The following MBD5 variants were observed in gnomAD, a reference collection of about 807,000 sequenced individuals.
MBD5 encodes methyl-CpG binding domain protein 5.
Under a neutral mutation model 117.3 loss-of-function variants are expected in MBD5, and 13 were observed. The ratio of observed to expected loss-of-function variants is 0.11; its 90% CI spans 0.07 to 0.18. MBD5 has a LOEUF of 0.18. Among genes scored for constraint, MBD5 ranks in the 10% least tolerant of loss-of-function variants. The pLI is 1.00. For missense variants in MBD5, 1,879 were observed against 2,093.8 expected (o/e 0.90, Z 2.00); for synonymous variants, 727 against 766.4 (o/e 0.95, Z 0.85).
chr2:148,488,618 C>T (rs1471825448), intron 10 of MBD5, among the ~76,000 whole-genome samples: 1 of 133,900 alleles, frequency 7.5e-6, no homozygotes, highest in African/African-American at 2.9e-5. Context: ...TTCAAAGTAT[C>T]AAGGGTCTAG....
At chr2:148,361,125 A>T (rs1369889903) in intron 4 of MBD5, among the ~76,000 whole-genome samples, 1 of 152,184 alleles carries the variant, frequency 6.6e-6, no homozygotes, top group Non-Finnish European at 1.5e-5. Flanking sequence ...AGGCAGCCGG[A>T]TCACAAGGTC....
chr2:148,021,071 C>A (rs1693684916), upstream of MBD5: 1 of 154,214 alleles, frequency 6.5e-6, no homozygotes, highest in Non-Finnish European at 1.4e-5. Context: ...TCTCTTCTAC[C>A]CGAACCCCCC....
chr2:148,395,354 G>A lies in MBD5; in HGVS notation c.-557+53018G>A, dbSNP rs551824298. On this transcript the variant is annotated intron_variant, in intron 4 of 13. Coordinates refer to ENST00000642680, the MANE Select transcript of MBD5 (RefSeq NM_001378120.1). The stretch of plus-strand genomic sequence containing the variant: ...ACTACCCTTTCATCTGAGTTTCTAC[G>A]CTATTCAGTCAATTATTTCCATATT... 8.6e-5 allele frequency among the ~76,000 whole-genome samples: 13 copies of A among 150,934 alleles called. No individual in the cohort carries two copies. In the South Asian group the frequency reaches 2.3e-3, roughly 27 times the overall value.
intron 4 of MBD5, among the ~76,000 whole-genome samples, chr2:148,353,327 A>G (rs1448522915): frequency 1.3e-5 from 2 of 152,160 alleles, no homozygotes; most frequent in Admixed American, 6.6e-5. Context: ...AGATTAAAAC[A>G]TGCGCATGGT....
intron 3 of MBD5, among the ~76,000 whole-genome samples, chr2:148,277,674 T>G (rs1701148166): frequency 6.6e-6 from 1 of 152,140 alleles, no homozygotes; most frequent in Non-Finnish European, 1.5e-5. Context: ...TGCCTCTATT[T>G]GTGCTCGTTT....
intron 8 of MBD5, among the ~76,000 whole-genome samples, chr2:148,481,107 G>A (rs1559093662): frequency 1.3e-5 from 2 of 151,854 alleles, no homozygotes; most frequent in African/African-American, 4.8e-5. Flanking sequence ...TGCCAATTAC[G>A]AAATTTTTTC....
chr2:148,445,713 C>A (rs928725433), intron 4 of MBD5, among the ~76,000 whole-genome samples: 9 of 151,476 alleles, frequency 5.9e-5, no homozygotes, highest in Admixed American at 5.9e-4. Flanking sequence ...AATCGCCACA[C>A]CGACTTCCAC....
intron 3 of MBD5, among the ~76,000 whole-genome samples, chr2:148,271,000 G>A (rs1700973484): frequency 6.6e-6 from 1 of 152,098 alleles, no homozygotes; most frequent in South Asian, 2.1e-4. Context: ...GATCTCAAGA[G>A]AGAAAAGATA....
At chr2:148,027,776 C>A (rs543370776) in intron 1 of MBD5, 1 of 152,042 alleles carries the variant, frequency 6.6e-6, no homozygotes, top group African/African-American at 2.4e-5. Context: ...ACATAATGAC[C>A]TGCAGAGTTT....
intron 4 of MBD5, among the ~76,000 whole-genome samples, chr2:148,440,843 T>A (rs969670965): frequency 2.0e-5 from 3 of 152,158 alleles, no homozygotes; most frequent in Non-Finnish European, 2.9e-5. Flanking sequence ...GGGGAGAAGT[T>A]TTTTTTCTAT....
At chr2:148,027,063 A>G (rs1417631583) in intron 1 of MBD5, 2 of 152,218 alleles carry the variant, frequency 1.3e-5, no homozygotes, top group African/African-American at 2.4e-5. Context: ...GATCCAATGA[A>G]TATTTACTAT....
chr2:148,493,998 A>G (rs747718596), intron 11 of MBD5, among the ~76,000 whole-genome samples: 17 of 152,224 alleles, frequency 1.1e-4, no homozygotes, highest in Non-Finnish European at 2.2e-4. Context: ...AAGTGAGAAT[A>G]TTAATTTCTA....
chr2:148,112,973 A>T (rs1434753506), intron 1 of MBD5, among the ~76,000 whole-genome samples: 1 of 152,200 alleles, frequency 6.6e-6, no homozygotes, highest in Non-Finnish European at 1.5e-5. Context: ...AACTTGGGCA[A>T]CAAAGTAAGA....
At chr2:148,398,638 C>T (rs1160673676) in intron 4 of MBD5, among the ~76,000 whole-genome samples, 4 of 152,128 alleles carry the variant, frequency 2.6e-5, no homozygotes, top group South Asian at 2.1e-4. Flanking sequence ...TTTTGCTGTG[C>T]ACAAGCTCTT....
At chr2:148,377,632 T>C (rs1458205894) in intron 4 of MBD5, among the ~76,000 whole-genome samples, 7 of 152,304 alleles carry the variant, frequency 4.6e-5, no homozygotes, top group African/African-American at 1.7e-4. Flanking sequence ...TCCTCTAAAT[T>C]ATTTTCATCA....
intron 1 of MBD5, among the ~76,000 whole-genome samples, chr2:148,171,152 G>A (rs1395785686): frequency 6.6e-6 from 1 of 152,098 alleles, no homozygotes; most frequent in Non-Finnish European, 1.5e-5. Context: ...GCATTACTCT[G>A]ATACCAAAGC....
intron 1 of MBD5, among the ~76,000 whole-genome samples, chr2:148,109,796 A>G (rs1268581019): frequency 1.3e-5 from 2 of 152,090 alleles, no homozygotes; most frequent in Non-Finnish European, 2.9e-5. Flanking sequence ...GCTTATTTGT[A>G]TTTTCTACAA....
intron 3 of MBD5, among the ~76,000 whole-genome samples, chr2:148,252,905 A>C (rs1361341691): frequency 6.6e-6 from 1 of 152,210 alleles, no homozygotes; most frequent in African/African-American, 2.4e-5. Flanking sequence ...TATTGGAAGA[A>C]TCTCATTTAC....
chr2:148,126,245 A>T (rs1225393214), intron 1 of MBD5, among the ~76,000 whole-genome samples: 3 of 151,876 alleles, frequency 2.0e-5, no homozygotes, highest in African/African-American at 7.3e-5. Context: ...AAAATAAAAA[A>T]AAAAAAAAAT....
Sources: gnomAD v4.1 joint callset for allele counts (sites outside exome capture counted in the v4.1 genomes callset) on GRCh38, gnomAD v4.1.1 for gene constraint, MANE v1.5 for transcripts, NCBI Gene and HGNC (gene_info 2026-07-23, HGNC 2026-07-21) for gene names.